LCN12: variants seen among roughly 807,000 people sequenced by gnomAD.
LCN12 encodes epididymal-specific lipocalin-12.
Under a neutral mutation model 23.7 loss-of-function variants are expected in LCN12, and 15 were observed. That is an observed-to-expected ratio of 0.63 (90% CI 0.42 to 0.97). The LOEUF is 0.97. Among genes scored for constraint, LCN12 ranks in the 50% least tolerant of loss-of-function variants. The probability of loss-of-function intolerance (pLI) is 0.00; values close to 1 mark genes in which losing one functional copy is unlikely to be tolerated. For synonymous variants in LCN12, 116 were observed against 111.5 expected, an observed-to-expected ratio of 1.04 and a Z score of -0.25; for missense variants, 219 against 249.6, an observed-to-expected ratio of 0.88 and a Z score of 0.83.
rs1457044354 is a variant in LCN12, at chr9:136,953,856, G to C, written c.340G>C (p.Ala114Pro). 6.2e-7 allele frequency: 1 copy of C among 1,600,940 alleles called. No homozygotes were observed. Among genetic ancestry groups the C allele is most frequent in the South Asian group, 1.1e-5 (1 of 89,106 alleles). ...CGTCTGTGCCGCCTCAGAGCCCGGG[G>C]CGGACAGAGAGGAGACCCGGGTGGT... Reference protein sequence around the residue: ...FTVDHGVEPGADREETRVVDS... With the variant: ...FTVDHGVEPGPDREETRVVDS... The change falls in exon 4 of 6, where the codon GCG (alanine) becomes CCG (proline). Residue 114 changes from alanine (A) to proline (P), a missense_variant. Physicochemically the swap from Ala to Pro is conservative, Grantham distance 27 (BLOSUM62 -1). Coordinates refer to ENST00000371633, the MANE Select transcript of LCN12 (RefSeq NM_178536.4).
rs377426882 is a variant in LCN12 at position 136,955,447 on chromosome 9, G to A, written c.*48G>A. On this transcript the variant is annotated 3_prime_UTR_variant, in exon 6 of 6. Transcript: ENST00000371633. ...GCCCAGCCCTGCCTCACAGCTGTGC[G>A]AGCTCTGCCCTCCTCAGCTCTCAAA... The A allele has an allele frequency of 1.5e-5, 23 of 1,569,634 alleles. No homozygotes were observed. The highest frequency in any genetic ancestry group is 2.2e-5 in the East Asian group (1 of 44,576).
At chr9:136,956,069 C>G (rs73557439), downstream of LCN12, among the ~76,000 whole-genome samples, 526 of 152,238 alleles carry the variant, frequency 3.5e-3, 8 homozygotes, top group African/African-American at 0.012. Flanking sequence ...CTGAGCCCCC[C>G]AACCCTGACT....
intron 5 of LCN12, chr9:136,954,469 C>T (rs550631266): frequency 1.5e-4 from 101 of 675,774 alleles, no homozygotes; most frequent in South Asian, 1.5e-3. Context: ...GCCACCTCCT[C>T]CCACCCCGGG....
upstream of LCN12, among the ~76,000 whole-genome samples, chr9:136,951,804 G>A (rs1325603945): frequency 2.6e-5 from 4 of 152,262 alleles, no homozygotes; most frequent in South Asian, 4.1e-4. Context: ...CCCACGCTGC[G>A]GTTCAGGCAT....
chr9:136,952,837 C>T, intron 1 of LCN12, 55 bp from the exon 2 acceptor site: 1 of 1,583,258 alleles, frequency 6.3e-7, no homozygotes, highest in Non-Finnish European at 8.6e-7. Flanking sequence ...GGCTCCTGAC[C>T]CTGCCCACTG....
chr9:136,951,290 C>G (rs1443124632), upstream of LCN12: 1 of 152,282 alleles, frequency 6.6e-6, no homozygotes, highest in Non-Finnish European at 1.5e-5. Flanking sequence ...AGATCTCAGT[C>G]TTGCCCAGGC....
chr9:136,955,272 A>C (rs1391607719), intron 5 of LCN12, 99 bp from the exon 6 acceptor site: 1 of 1,520,980 alleles, frequency 6.6e-7, no homozygotes, highest in Non-Finnish European at 8.9e-7. Context: ...TTCTCACCTG[A>C]AGCCACCTGC....
intron 5 of LCN12, 168 bp from the exon 6 acceptor site, chr9:136,955,203 C>T (rs1851295178): frequency 1.4e-6 from 2 of 1,420,636 alleles, no homozygotes; most frequent in Non-Finnish European, 1.8e-6. Flanking sequence ...CCCTTCTCAG[C>T]CTCCCTCACC....
chr9:136,952,336 G>T lies in LCN12; in HGVS notation c.9G>T (p.Leu3=), dbSNP rs376257580. The change falls in exon 1 of 6, where the codon CTG becomes CTT. Residue 3 remains leucine, a synonymous_variant. Coordinates refer to ENST00000371633, the MANE Select transcript of LCN12 (RefSeq NM_178536.4). The stretch of plus-strand genomic sequence containing the variant: ...GCCCAGCAGCTGCCAGGATGAGGCT[G>T]CTGTGTGGCCTGTGGCTGTGGCTCT... MR[L]LCGLWLWLSL... is the part of the protein sequence containing the mutation. 1.6e-4 allele frequency: 254 copies of T among 1,610,428 alleles called. No individual in the cohort carries two copies. The highest frequency in any genetic ancestry group is 3.5e-4 in the Admixed American group (21 of 59,728).
chr9:136,954,776 A>C, intron 5 of LCN12: 1 of 1,290,742 alleles, frequency 7.7e-7, no homozygotes, highest in Non-Finnish European at 1.0e-6. Context: ...CAGCCTGACC[A>C]CTCAGACAGC....
chr9:136,954,867 G>T (rs866843920), intron 5 of LCN12: 3 of 1,238,442 alleles, frequency 2.4e-6, no homozygotes, highest in South Asian at 1.4e-5. Context: ...GATGCCCACC[G>T]TGCCCTTCTG....
At chr9:136,955,334 C>A (rs931517852) in intron 5 of LCN12, 37 bp from the exon 6 acceptor site, 2 of 1,608,222 alleles carry the variant, frequency 1.2e-6, no homozygotes, top group Non-Finnish European at 1.7e-6. Flanking sequence ...CCCTGCTCCC[C>A]CTTTGTCCTC....
Position 136,953,727 on chromosome 9 carries a change from T to C in LCN12, c.279T>C (p.Tyr93=), listed in dbSNP as rs1212385724. The change falls in exon 3 of 6, where the codon TAT becomes TAC. Residue 93 remains tyrosine (Y), a synonymous_variant. Coordinates refer to ENST00000371633, the MANE Select transcript of LCN12 (RefSeq NM_178536.4). ...TRGQHCDTWS[Y]VLIPAAQPGQ... is the part of the protein sequence containing the mutation. The stretch of plus-strand genomic sequence containing the variant: ...GCCAGCACTGTGACACATGGTCTTA[T>C]GTGCTGATACCGGCAGCCCAGCCTG... The C allele has an allele frequency of 1.0e-5, 16 of 1,602,876 alleles. No homozygotes were observed. Among genetic ancestry groups the C allele is most frequent in the Non-Finnish European group, 1.4e-5 (16 of 1,175,020 alleles).
upstream of LCN12, among the ~76,000 whole-genome samples, chr9:136,949,231 TATTTAAAAAA>T (rs1176296819): frequency 1.3e-5 from 2 of 152,184 alleles, no homozygotes; most frequent in East Asian, 3.8e-4. Context: ...ACCTCATCTC[TATTTAAAAAA>T]AAAGTTTTTT....
chr9:136,955,519 G>C, downstream of LCN12: 1 of 1,126,088 alleles, frequency 8.9e-7, no homozygotes, highest in South Asian at 1.5e-5. Flanking sequence ...TGACCACTAT[G>C]ACCTTGGGTT....
intron 5 of LCN12, chr9:136,954,600 C>A: frequency 1.5e-6 from 1 of 682,366 alleles, no homozygotes; most frequent in Non-Finnish European, 2.3e-6. Flanking sequence ...GTCTCCTGTC[C>A]TGGGCTACCT....
chr9:136,955,248 T>C (rs1851296140), intron 5 of LCN12, 123 bp from the exon 6 acceptor site: 1 of 1,488,758 alleles, frequency 6.7e-7, no homozygotes, highest in Admixed American at 2.2e-5. Flanking sequence ...GCTGGTCCCC[T>C]TTCTCCCTCC....
upstream of LCN12, among the ~76,000 whole-genome samples, chr9:136,950,240 C>G (rs1362483501): frequency 6.6e-6 from 1 of 152,190 alleles, no homozygotes; most frequent in African/African-American, 2.4e-5. Flanking sequence ...TTGTCGTGTC[C>G]GGGAGGCTCC....
chr9:136,956,156 C>T (rs975476562), downstream of LCN12, among the ~76,000 whole-genome samples: 7 of 152,280 alleles, frequency 4.6e-5, no homozygotes, highest in East Asian at 3.9e-4. Flanking sequence ...CTCAGCCCTC[C>T]GATGTCTGTG....
Sources: allele counts gnomAD v4.1 joint callset (sites outside exome capture counted in the v4.1 genomes callset), GRCh38; gene constraint gnomAD v4.1.1; transcripts MANE v1.5; gene names NCBI Gene and HGNC (gene_info 2026-07-23, HGNC 2026-07-21).